The following HS6ST2 variants were observed in gnomAD, a reference collection of about 807,000 sequenced individuals.
HS6ST2 encodes the protein heparan-sulfate 6-O-sulfotransferase 2.
HS6ST2 carries 17 observed loss-of-function variants against 33.0 expected under a neutral mutation model. The observed-to-expected ratio is 0.52, with a 90% CI of 0.35 to 0.77. The LOEUF is 0.77. Among genes scored for constraint, HS6ST2 ranks in the 30% least tolerant of loss-of-function variants. HS6ST2 has a pLI of 0.01. For synonymous variants in HS6ST2, 248 were observed against 237.1 expected (o/e 1.05, Z -0.42); for missense variants, 519 against 551.7 (o/e 0.94, Z 0.59).
Position 132,880,574 on chromosome X carries a change from G to A in HS6ST2, c.947+76234C>T, listed in dbSNP as rs745519983. On this transcript the variant is annotated intron_variant, in intron 2 of 4. Coordinates refer to ENST00000370833, the MANE Select transcript of HS6ST2 (RefSeq NM_001394073.1). ...GTTCGGAGAGAAGAATCTTATCTGGGAAGATGTGTCGCAAATTTAGCAGAG... is the reference window on the plus strand; with the variant it reads ...GTTCGGAGAGAAGAATCTTATCTGGAAAGATGTGTCGCAAATTTAGCAGAG... Among the ~76,000 whole-genome samples, 191 of 109,042 alleles carry A rather than the reference G, an allele frequency of 1.8e-3. 1 individual carries two copies. The highest frequency in any genetic ancestry group is 6.1e-3 in the African/African-American group (185 of 30,128). 94.7% of individuals were successfully genotyped at this position (109,042 alleles called of 115,157 possible). A position where few individuals can be genotyped will look rare whatever the true frequency, so the allele number is the denominator to read the frequency against.
At chrX:132,887,547 A>G (rs1226597165) in intron 2 of HS6ST2, among the ~76,000 whole-genome samples, 1 of 112,369 alleles carries the variant, frequency 8.9e-6, no homozygotes, top group Non-Finnish European at 1.9e-5. Context: ...ATATATTGCT[A>G]TTGAGAAGGT....
chrX:132,958,324 GC>G lies in HS6ST2; in HGVS notation c.278del (p.Gly93AlafsTer34). On this transcript the variant is annotated frameshift_variant, in exon 1 of 5. Coordinates refer to ENST00000370833, the MANE Select transcript of HS6ST2 (RefSeq NM_001394073.1). LOFTEE classifies it high-confidence loss of function. ...CAPLFALLSR[G>X]RRRRMHVLRR... Reference sequence around the variant, plus strand: ...TGAGGACGTGCATCCGCCTGCGGCGGCCCCGGGACAGCAGCGCGAAAAGCGG... The same window carrying G: ...TGAGGACGTGCATCCGCCTGCGGCGGCCCGGGACAGCAGCGCGAAAAGCGG... The G allele has an allele frequency of 8.4e-7, 1 of 1,197,456 alleles. No homozygotes were observed. The highest frequency in any genetic ancestry group is 1.1e-6 in the Non-Finnish European group (1 of 893,337).
At chrX:132,937,069 C>CAA (rs1195882508) in intron 2 of HS6ST2, among the ~76,000 whole-genome samples, 1 of 111,097 alleles carries the variant, frequency 9.0e-6, no homozygotes, top group African/African-American at 3.3e-5. Context: ...ACACCATTAA[C>CAA]AAACTAGCTG....
At chrX:132,794,586 T>G (rs866947073) in intron 2 of HS6ST2, among the ~76,000 whole-genome samples, 5 of 103,852 alleles carry the variant, frequency 4.8e-5, no homozygotes, top group African/African-American at 1.5e-4. Context: ...TTATTATTAT[T>G]ATTATTATTA....
chrX:132,770,153 C>T (rs1399908059), intron 2 of HS6ST2, among the ~76,000 whole-genome samples: 1 of 111,697 alleles, frequency 9.0e-6, no homozygotes, highest in Non-Finnish European at 1.9e-5. Context: ...CTCCTAAGAA[C>T]ATTATACACA....
At chrX:132,686,793 T>C (rs2064019683) in intron 3 of HS6ST2, among the ~76,000 whole-genome samples, 1 of 112,042 alleles carries the variant, frequency 8.9e-6, no homozygotes, top group African/African-American at 3.2e-5. Flanking sequence ...ATGATTCTGG[T>C]GCTATACTCA....
intron 2 of HS6ST2, among the ~76,000 whole-genome samples, chrX:132,845,794 C>T (rs1214359187): frequency 9.0e-6 from 1 of 111,390 alleles, no homozygotes; most frequent in Non-Finnish European, 1.9e-5. Context: ...CTTGAGTCCA[C>T]ACTCAGACAC....
chrX:132,848,640 T>G (rs953994377), intron 2 of HS6ST2, among the ~76,000 whole-genome samples: 49 of 111,769 alleles, frequency 4.4e-4, no homozygotes, highest in Non-Finnish European at 8.1e-4. Flanking sequence ...GCCCAGAATA[T>G]ACTGCTTATA....
chrX:132,776,419 C>T (rs2064958793), intron 2 of HS6ST2, among the ~76,000 whole-genome samples: 1 of 112,069 alleles, frequency 8.9e-6, no homozygotes, highest in Non-Finnish European at 1.9e-5. Flanking sequence ...GAAAGAAAAA[C>T]AAATCTGCAG....
intron 2 of HS6ST2, among the ~76,000 whole-genome samples, chrX:132,865,346 A>C (rs2065961894): frequency 9.0e-6 from 1 of 110,755 alleles, no homozygotes; most frequent in African/African-American, 3.3e-5. Context: ...CATGGTGTAT[A>C]TGTGCCACAT....
rs1444698000 is a variant in HS6ST2, at chrX:132,679,749, G to GC, written c.981-10551dup. On this transcript the variant is annotated intron_variant, in intron 3 of 4. Coordinates refer to ENST00000370833, the MANE Select transcript of HS6ST2 (RefSeq NM_001394073.1). Reference sequence around the variant, plus strand: ...AGCCTCGACCATAGAAGACAACCACGCCTGGGGGGGGGCCAGTTCAGAGAC... The same window carrying GC: ...AGCCTCGACCATAGAAGACAACCACGCCCTGGGGGGGGGCCAGTTCAGAGAC... Among the ~76,000 whole-genome samples, 221 of 107,680 alleles carry GC rather than the reference G, an allele frequency of 2.1e-3. 1 individual carries two copies. The highest frequency in any genetic ancestry group is 7.2e-3 in the African/African-American group (212 of 29,263). 93.5% of individuals were successfully genotyped at this position (107,680 alleles called of 115,157 possible).
At position 132,956,838 on chromosome X, in the gene HS6ST2, C is replaced by G; in HGVS notation, c.917G>C (p.Gly306Ala). 1 of 1,179,046 alleles carries G rather than the reference C, an allele frequency of 8.5e-7. No individual in the cohort carries two copies. Reference protein sequence around the residue: ...LTSCVPSVVDGKRDARLRPSR... With the variant: ...LTSCVPSVVDAKRDARLRPSR... ...CGGTCTCAGCCTGGCGTCGCGCTTG[C>G]CGTCCACCACGGAGGGCACACAGCT... Residue 306 changes from glycine (G) to alanine (A), a missense_variant, in exon 2 of 5, where the codon GGC becomes GCC. Transcript: ENST00000370833.
intron 2 of HS6ST2, among the ~76,000 whole-genome samples, chrX:132,780,501 A>T (rs778600074): frequency 7.8e-4 from 87 of 111,338 alleles, no homozygotes; most frequent in South Asian, 2.4e-3. Flanking sequence ...CCTATTTTAC[A>T]GATGACGACA....
chrX:132,630,786 A>G (rs1264644804), intron 4 of HS6ST2, among the ~76,000 whole-genome samples: 3 of 110,479 alleles, frequency 2.7e-5, no homozygotes, highest in Non-Finnish European at 5.7e-5. Context: ...ATCTGTTAAA[A>G]ATACAAAAAT....
intron 2 of HS6ST2, among the ~76,000 whole-genome samples, chrX:132,787,373 A>T (rs1281716786): frequency 1.0e-5 from 1 of 96,442 alleles, no homozygotes; most frequent in Non-Finnish European, 2.0e-5. Flanking sequence ...GCTCACTGCA[A>T]CCTCCATCTC....
intron 2 of HS6ST2, among the ~76,000 whole-genome samples, chrX:132,811,720 A>C (rs1338194288): frequency 1.1e-5 from 1 of 91,930 alleles, no homozygotes; most frequent in East Asian, 3.5e-4. Flanking sequence ...ATATATATAT[A>C]TATATCACAT....
rs750361617 is a variant in HS6ST2, at chrX:132,809,869, T to C, written c.948-101375A>G. 4.5e-5 allele frequency among the ~76,000 whole-genome samples: 5 copies of C among 112,136 alleles called. No homozygotes were observed. In the East Asian group the frequency reaches 1.4e-3, roughly 31 times the overall value. On this transcript the variant is annotated intron_variant, in intron 2 of 4. Coordinates refer to ENST00000370833, the MANE Select transcript of HS6ST2 (RefSeq NM_001394073.1). ...TTATCAGTTTAATCCAACTCCATTG[T>C]TCTTTGTAACAAGTAAATGATTATA...
intron 2 of HS6ST2, among the ~76,000 whole-genome samples, chrX:132,856,734 G>A (rs1602754604): frequency 9.0e-6 from 1 of 111,562 alleles, no homozygotes; most frequent in Non-Finnish European, 1.9e-5. Flanking sequence ...CTATTTTGGG[G>A]AACTCATTAA....
chrX:132,861,585 A>G (rs1602762937), intron 2 of HS6ST2, among the ~76,000 whole-genome samples: 1 of 112,496 alleles, frequency 8.9e-6, no homozygotes, highest in Non-Finnish European at 1.9e-5. Context: ...AAGAATTACT[A>G]TTTTCTTAAA....
Sources: allele counts gnomAD v4.1 joint callset (sites outside exome capture counted in the v4.1 genomes callset), GRCh38; gene constraint gnomAD v4.1.1; transcripts MANE v1.5; gene names NCBI Gene and HGNC (gene_info 2026-07-23, HGNC 2026-07-21).